The following CPXM2 variants were observed in gnomAD, a reference collection of about 807,000 sequenced individuals.
The protein encoded by CPXM2 is carboxypeptidase X, M14 family member 2.
Under a neutral mutation model 86.1 loss-of-function variants are expected in CPXM2, and 66 were observed. The ratio of observed to expected loss-of-function variants is 0.77; its 90% confidence interval spans 0.63 to 0.94. The LOEUF (loss-of-function observed/expected upper bound fraction) is 0.94, where lower values mean the gene tolerates loss of function less well. Ranked by LOEUF, CPXM2 falls within the 40% of genes least tolerant of loss-of-function variation. The probability of loss-of-function intolerance (pLI) is 0.00; values close to 1 mark genes in which losing one functional copy is unlikely to be tolerated. For synonymous variants in CPXM2, 388 were observed against 400.2 expected, an observed-to-expected ratio of 0.97 and a Z score of 0.36; for missense variants, 948 against 1,026.3, an observed-to-expected ratio of 0.92 and a Z score of 1.04.
chr10:123,839,856 T>C (rs1848350803), intron 4 of CPXM2, among the ~76,000 whole-genome samples: 1 of 152,218 alleles, frequency 6.6e-6, no homozygotes, highest in Non-Finnish European at 1.5e-5. Flanking sequence ...TTTCTTTTCA[T>C]TGTTCCTGGA....
intron 6 of CPXM2, among the ~76,000 whole-genome samples, chr10:123,781,098 C>T (rs1002946768): frequency 1.3e-5 from 2 of 152,328 alleles, no homozygotes; most frequent in Admixed American, 6.5e-5. Context: ...CAACCAACCC[C>T]AGAGCCCAAT....
chr10:123,889,326 G>A (rs953590054), intron 1 of CPXM2, among the ~76,000 whole-genome samples: 65 of 152,142 alleles, frequency 4.3e-4, no homozygotes, highest in Non-Finnish European at 7.3e-5. Context: ...TCACCTCTTC[G>A]GGGAAGCATT....
chr10:123,927,359 G>A (rs1945632059), intron 2 of CPXM2, among the ~76,000 whole-genome samples: 1 of 152,204 alleles, frequency 6.6e-6, no homozygotes. Flanking sequence ...CCTCATTGTT[G>A]TTGAGTTGAT....
intron 4 of CPXM2, among the ~76,000 whole-genome samples, chr10:123,826,744 C>T (rs532351286): frequency 6.6e-6 from 1 of 152,164 alleles, no homozygotes; most frequent in Non-Finnish European, 1.5e-5. Flanking sequence ...GACTTACGGA[C>T]ACACAGAAAG....
chr10:123,847,183 T>C (rs760105806), intron 3 of CPXM2, among the ~76,000 whole-genome samples: 3 of 152,138 alleles, frequency 2.0e-5, no homozygotes, highest in Non-Finnish European at 4.4e-5. Flanking sequence ...AAACATCAAG[T>C]CTACATCTAT....
At chr10:123,761,369 C>G (rs1468727974) in intron 11 of CPXM2, among the ~76,000 whole-genome samples, 1 of 152,110 alleles carries the variant, frequency 6.6e-6, no homozygotes, top group Admixed American at 6.5e-5. Context: ...GATGCCTGGC[C>G]CCCTCTGTGG....
chr10:123,840,715 GATGTT>G (rs1237608089), intron 4 of CPXM2, among the ~76,000 whole-genome samples: 5 of 152,098 alleles, frequency 3.3e-5, no homozygotes, highest in African/African-American at 1.2e-4. Flanking sequence ...AATTTTGCTG[GATGTT>G]ATAATATTGT....
At chr10:123,864,641 T>C (rs1184593543) in intron 2 of CPXM2, among the ~76,000 whole-genome samples, 1 of 152,200 alleles carries the variant, frequency 6.6e-6, no homozygotes, top group Non-Finnish European at 1.5e-5. Context: ...CCTTTATTTA[T>C]ATCATTTATA....
In CPXM2 at chr10:123,818,114, T is replaced by C. The variant is rs183654811; in HGVS notation, c.654-18915A>G. ...TCTGAGTAGTCAAAAACTGTGAAGA[T>C]ATTTGTATCCTATGTGAGTGTTCAC... is the stretch of plus-strand genomic sequence containing the variant. On this transcript the variant is annotated intron_variant, in intron 4 of 13. Transcript: ENST00000241305. Among the ~76,000 whole-genome samples the C allele has an allele frequency of 3.8e-3, 575 of 152,262 alleles. 2 individuals are homozygous for C. The highest frequency in any genetic ancestry group is 7.1e-3 in the Admixed American group (108 of 15,302).
At chr10:123,880,676 A>C (rs1383071280) in intron 1 of CPXM2, among the ~76,000 whole-genome samples, 3 of 151,952 alleles carry the variant, frequency 2.0e-5, no homozygotes, top group East Asian at 3.9e-4. Context: ...AAAAATACAA[A>C]AAATTAGCCA....
intron 3 of CPXM2, among the ~76,000 whole-genome samples, chr10:123,857,698 G>A (rs1848765278): frequency 6.6e-6 from 1 of 152,120 alleles, no homozygotes; most frequent in African/African-American, 2.4e-5. Context: ...CTGCTGAGTT[G>A]AAGGCTAGGG....
intron 10 of CPXM2, among the ~76,000 whole-genome samples, chr10:123,766,251 G>C (rs998278878): frequency 1.3e-5 from 2 of 152,210 alleles, no homozygotes; most frequent in African/African-American, 4.8e-5. Flanking sequence ...TGATTACCAG[G>C]TTTCTACTTG....
chr10:123,811,139 TTTTC>T (rs1222027582), intron 4 of CPXM2, among the ~76,000 whole-genome samples: 11 of 85,140 alleles, frequency 1.3e-4, no homozygotes, highest in African/African-American at 5.2e-4. Context: ...TCATTTTTTT[TTTTC>T]TTTTTTCTTT....
At chr10:123,889,743 C>T (rs1945236468) in intron 1 of CPXM2, among the ~76,000 whole-genome samples, 1 of 152,126 alleles carries the variant, frequency 6.6e-6, no homozygotes, top group South Asian at 2.1e-4. Flanking sequence ...GATTCCAGAT[C>T]CCCAAGTTGA....
chr10:123,778,672 T>C (rs1331545318), intron 7 of CPXM2, among the ~76,000 whole-genome samples: 1 of 152,252 alleles, frequency 6.6e-6, no homozygotes, highest in East Asian at 1.9e-4. Context: ...TTGGGATTTA[T>C]TGCTTTTGAC....
At position 123,799,215 on chromosome 10, in the gene CPXM2, ACAT is replaced by A. The variant is rs776432394; in HGVS notation, c.654-19_654-17del. On this transcript the variant is annotated splice_polypyrimidine_tract_variant and intron_variant, in intron 4 of 13. Transcript: ENST00000241305. The stretch of plus-strand genomic sequence containing the variant: ...CCAGTCACTCCTATGAGAAAATAAA[ACAT>A]CATTAGGACTACACACTTTAAAATG... 5.6e-6 allele frequency: 9 copies of A among 1,613,560 alleles called. No individual in the cohort carries two copies. The highest frequency in any genetic ancestry group is 1.7e-4 in the Middle Eastern group (1 of 6,054).
chr10:123,804,452 A>AT (rs1357223755), intron 4 of CPXM2, among the ~76,000 whole-genome samples: 1 of 152,050 alleles, frequency 6.6e-6, no homozygotes, highest in Non-Finnish European at 1.5e-5. Context: ...TGGGTAGCTG[A>AT]TTTTTTAAAT....
intron 8 of CPXM2, among the ~76,000 whole-genome samples, chr10:123,769,798 T>C (rs752446901): frequency 6.6e-6 from 1 of 152,154 alleles, no homozygotes; most frequent in African/African-American, 2.4e-5. Flanking sequence ...CTGTGAGCAA[T>C]AAAGTTCTGT....
At chr10:123,809,995 T>C (rs1221972604) in intron 4 of CPXM2, among the ~76,000 whole-genome samples, 1 of 151,942 alleles carries the variant, frequency 6.6e-6, no homozygotes, top group Non-Finnish European at 1.5e-5. Context: ...AAATTACAAA[T>C]ATACTGTTCA....
Sources: gnomAD v4.1 joint callset for allele counts (sites outside exome capture counted in the v4.1 genomes callset) on GRCh38, gnomAD v4.1.1 for gene constraint, MANE v1.5 for transcripts, NCBI Gene and HGNC (gene_info 2026-07-23, HGNC 2026-07-21) for gene names.